The following GNB1 variants were observed in gnomAD, a reference collection of about 807,000 sequenced individuals.
GNB1 encodes the protein G protein subunit beta 1.
GNB1 carries 2 observed loss-of-function variants against 42.9 expected under a neutral mutation model. That is an observed-to-expected ratio of 0.05 (90% confidence interval 0.02 to 0.15). GNB1 has a LOEUF of 0.15. Ranked by LOEUF, GNB1 falls within the 10% of genes least tolerant of loss-of-function variation. GNB1 has a pLI of 1.00. For synonymous variants in GNB1, 183 were observed against 174.7 expected (o/e 1.05, Z -0.38); for missense variants, 193 against 462.2 (o/e 0.42, Z 5.34).
At chr1:1,833,632 G>A (rs2101084270) in intron 2 of GNB1, among the ~76,000 whole-genome samples, 1 of 152,284 alleles carries the variant, frequency 6.6e-6, no homozygotes, top group South Asian at 2.1e-4. Flanking sequence ...TAAATCACGT[G>A]GAGTTACAGA....
At chr1:1,817,008 A>C (rs760494750) in intron 4 of GNB1, among the ~76,000 whole-genome samples, 19 of 148,970 alleles carry the variant, frequency 1.3e-4, no homozygotes, top group Non-Finnish European at 2.9e-4. Flanking sequence ...TAGTACACTC[A>C]TTGTTGTAAA....
chr1:1,827,275 A>G (rs1447118348), intron 2 of GNB1, among the ~76,000 whole-genome samples: 1 of 152,238 alleles, frequency 6.6e-6, no homozygotes, highest in Non-Finnish European at 1.5e-5. Flanking sequence ...AAGGCCTGCA[A>G]GGCATGCCCC....
At chr1:1,873,740 C>A (rs909785800) in intron 1 of GNB1, among the ~76,000 whole-genome samples, 1 of 152,162 alleles carries the variant, frequency 6.6e-6, no homozygotes, top group Non-Finnish European at 1.5e-5. Flanking sequence ...ATTGCTTGAA[C>A]CCCAGAGGCA....
At chr1:1,838,661 G>T (rs1249595024) in intron 2 of GNB1, among the ~76,000 whole-genome samples, 2 of 151,186 alleles carry the variant, frequency 1.3e-5, no homozygotes, top group South Asian at 4.2e-4. Context: ...AGCCAGGATG[G>T]TCTCGATCTC....
At chr1:1,866,095 C>T (rs550177003) in intron 1 of GNB1, among the ~76,000 whole-genome samples, 2 of 152,244 alleles carry the variant, frequency 1.3e-5, no homozygotes, top group African/African-American at 2.4e-5. Flanking sequence ...TGCACCACCA[C>T]GGCCAGCTAA....
chr1:1,883,284 A>G (rs1396392513), intron 1 of GNB1, among the ~76,000 whole-genome samples: 1 of 151,746 alleles, frequency 6.6e-6, no homozygotes, highest in East Asian at 1.9e-4. Context: ...GTCCCAAAAA[A>G]AAAAAAAAAA....
intron 4 of GNB1, among the ~76,000 whole-genome samples, chr1:1,817,475 A>G (rs1045121195): frequency 7.2e-5 from 11 of 152,232 alleles, no homozygotes; most frequent in Non-Finnish European, 1.2e-4. Flanking sequence ...GAGTCATACA[A>G]TAATTCTATG....
chr1:1,796,750 C>T (rs1366658942), intron 7 of GNB1, among the ~76,000 whole-genome samples: 1 of 152,142 alleles, frequency 6.6e-6, no homozygotes, highest in Non-Finnish European at 1.5e-5. Flanking sequence ...GCACCAAGTG[C>T]CTCAAGGAGA....
chr1:1,847,399 G>A (rs984450214), intron 1 of GNB1, among the ~76,000 whole-genome samples: 2 of 152,112 alleles, frequency 1.3e-5, no homozygotes, highest in Admixed American at 1.3e-4. Flanking sequence ...TTTAGATATT[G>A]GACAAGGCCC....
chr1:1,833,067 G>A (rs1276452855), intron 2 of GNB1, among the ~76,000 whole-genome samples: 3 of 152,130 alleles, frequency 2.0e-5, no homozygotes, highest in Non-Finnish European at 4.4e-5. Flanking sequence ...AGCAGCAACA[G>A]GGCAGTCCTG....
chr1:1,818,093 ATCTG>A (rs1271419857), intron 3 of GNB1: 2 of 453,908 alleles, frequency 4.4e-6, no homozygotes, highest in Non-Finnish European at 8.3e-6. Context: ...TAGTACCCAA[ATCTG>A]TCTAAGACCT....
chr1:1,821,701 C>T (rs527700961), intron 3 of GNB1, among the ~76,000 whole-genome samples: 21 of 152,308 alleles, frequency 1.4e-4, no homozygotes, highest in African/African-American at 4.6e-4. Flanking sequence ...AACGTCCCAC[C>T]GCGGGGGCCA....
intron 10 of GNB1, 59 bp downstream of exon 10, chr1:1,788,994 T>C (rs930873021): frequency 2.5e-6 from 3 of 1,211,596 alleles, no homozygotes; most frequent in Non-Finnish European, 3.7e-6. Context: ...ACTCTGTGTT[T>C]GCTCTAAAGA....
intron 1 of GNB1, among the ~76,000 whole-genome samples, chr1:1,881,307 A>C (rs1450973649): frequency 6.6e-6 from 1 of 152,148 alleles, no homozygotes; most frequent in Non-Finnish European, 1.5e-5. Context: ...AACTGACTAG[A>C]GTCCCCTCCC....
In GNB1 at chr1:1,787,695, A is replaced by G. The variant is rs1001724386; in HGVS notation, c.917-258T>C. On this transcript the variant is annotated intron_variant, in intron 10 of 11. Transcript: ENST00000378609. The surrounding 1 kb of genome is among the most constrained non-coding windows in gnomAD (Gnocchi z 4.4). ...CCCTGGCATTGACTTCTCAGCACTC[A>G]CTTATAAAACTTAAAAAAAGAAGCA... is the stretch of plus-strand genomic sequence containing the variant. Among the ~76,000 whole-genome samples the G allele has an allele frequency of 6.6e-6, 1 of 152,090 alleles. No individual in the cohort carries two copies. Among genetic ancestry groups the G allele is most frequent in the Non-Finnish European group, 1.5e-5 (1 of 68,014 alleles).
chr1:1,890,060 C>T (rs1038434020), intron 1 of GNB1, among the ~76,000 whole-genome samples: 1 of 152,176 alleles, frequency 6.6e-6, no homozygotes, highest in Admixed American at 6.5e-5. Context: ...CTTGGCGCGG[C>T]CACCGGGCCC....
chr1:1,833,166 G>A (rs971575044), intron 2 of GNB1, among the ~76,000 whole-genome samples: 11 of 152,124 alleles, frequency 7.2e-5, no homozygotes, highest in Admixed American at 5.2e-4. Flanking sequence ...GACAACTTCC[G>A]AAGTCCAAAC....
chr1:1,840,161 G>A (rs1330672207), intron 1 of GNB1, among the ~76,000 whole-genome samples: 1 of 151,646 alleles, frequency 6.6e-6, no homozygotes, highest in Non-Finnish European at 1.5e-5. Flanking sequence ...CCAGAAGGTG[G>A]AGGTTGTAGT....
intron 1 of GNB1, among the ~76,000 whole-genome samples, chr1:1,881,313 C>T (rs750941405): frequency 2.0e-5 from 3 of 152,284 alleles, no homozygotes; most frequent in South Asian, 2.1e-4. Flanking sequence ...CTAGAGTCCC[C>T]TCCCTCCCCT....
Sources: allele counts gnomAD v4.1 joint callset (sites outside exome capture counted in the v4.1 genomes callset), GRCh38; gene constraint gnomAD v4.1.1; non-coding constraint Gnocchi (gnomAD v3.1); transcripts MANE v1.5; gene names NCBI Gene and HGNC (gene_info 2026-07-23, HGNC 2026-07-21).